The following CHODL variants were observed in gnomAD, a reference collection of about 807,000 sequenced individuals.
The protein encoded by CHODL is transmembrane protein MT75.
CHODL carries 29 observed loss-of-function variants against 34.5 expected under a neutral mutation model. The ratio of observed to expected loss-of-function variants is 0.84; its 90% CI spans 0.63 to 1.15. CHODL has a LOEUF of 1.15. Ranked by LOEUF, CHODL falls within the 50% of genes most tolerant of loss-of-function variation. The probability of loss-of-function intolerance (pLI) is 0.00; values close to 1 mark genes in which losing one functional copy is unlikely to be tolerated. For synonymous variants in CHODL, 125 were observed against 116.1 expected (o/e 1.08, Z -0.49); for missense variants, 332 against 332.5 (o/e 1.00, Z 0.01).
chr21:18,070,910 A>G (rs1241584634), intron 2 of CHODL, among the ~76,000 whole-genome samples: 1 of 151,698 alleles, frequency 6.6e-6, no homozygotes, highest in African/African-American at 2.4e-5. Flanking sequence ...GTTTACTCCA[A>G]TTATGTTCTC....
At chr21:17,934,506 G>A (rs760092461) in intron 1 of CHODL, among the ~76,000 whole-genome samples, 1 of 151,822 alleles carries the variant, frequency 6.6e-6, no homozygotes, top group Non-Finnish European at 1.5e-5. Context: ...CTCAGTCAGG[G>A]TTCTTTCTTC....
chr21:17,953,995 C>T (rs963073233), intron 1 of CHODL, among the ~76,000 whole-genome samples: 4 of 151,704 alleles, frequency 2.6e-5, no homozygotes, highest in South Asian at 2.1e-4. Flanking sequence ...GGCGACAGAG[C>T]GAGACTCTGT....
chr21:18,141,582 A>T (rs1181259791), intron 2 of CHODL, among the ~76,000 whole-genome samples: 1 of 152,074 alleles, frequency 6.6e-6, no homozygotes, highest in Non-Finnish European at 1.5e-5. Context: ...ATTGGAGTTG[A>T]CAGCATGCTA....
At chr21:18,125,689 G>A (rs555776982) in intron 2 of CHODL, among the ~76,000 whole-genome samples, 163 of 152,042 alleles carry the variant, frequency 1.1e-3, no homozygotes, top group African/African-American at 3.6e-3. Flanking sequence ...TCCGCCTCAC[G>A]GGTTCATGCG....
At chr21:18,115,227 G>A (rs73312418) in intron 2 of CHODL, among the ~76,000 whole-genome samples, 22 of 152,270 alleles carry the variant, frequency 1.4e-4, no homozygotes, top group African/African-American at 5.3e-4. Flanking sequence ...CCTATGTGCC[G>A]GAATCCTGGA....
intron 2 of CHODL, among the ~76,000 whole-genome samples, chr21:18,134,875 A>G (rs567470742): frequency 6.6e-6 from 1 of 152,340 alleles, no homozygotes; most frequent in African/African-American, 2.4e-5. Context: ...AGAGAGAGCT[A>G]TGTTAGTCTT....
Position 18,088,977 on chromosome 21 carries a change from G to A in CHODL, c.-45+61006G>A, listed in dbSNP as rs1010962583. Among the ~76,000 whole-genome samples, 4 of 152,086 alleles carry A rather than the reference G, an allele frequency of 2.6e-5. No homozygotes were observed. The South Asian group carries it at 8.3e-4, about 32-fold the overall frequency. ...AATGGGTTAATTTATATTAGAGGAG[G>A]CTGCACCTGCTCATCCCATCTCATG... is the stretch of plus-strand genomic sequence containing the variant. On this transcript the variant is annotated intron_variant, in intron 2 of 6. Transcript: ENST00000400127.
chr21:18,090,726 GAAA>G (rs5842674), intron 2 of CHODL, among the ~76,000 whole-genome samples: 4 of 125,172 alleles, frequency 3.2e-5, no homozygotes, highest in East Asian at 3.7e-4. Flanking sequence ...ATAATTTCCA[GAAA>G]AAAAAAAAAA....
rs555111358 is a variant in CHODL, at chr21:18,096,382, G to A, written c.-45+68411G>A. ...ATAACCATGAGGTCTGACTGCCTGC[G>A]GGGCCGGGCAGAACAGAGTCATATT... On this transcript the variant is annotated intron_variant, in intron 2 of 6. Coordinates refer to the CHODL transcript ENST00000400127. 1.6e-4 allele frequency among the ~76,000 whole-genome samples: 24 copies of A among 152,300 alleles called. No homozygotes were observed. The South Asian group carries it at 3.1e-3, about 20-fold the overall frequency.
intron 2 of CHODL, among the ~76,000 whole-genome samples, chr21:18,064,553 G>A (rs1042799256): frequency 6.6e-6 from 1 of 152,134 alleles, no homozygotes; most frequent in Non-Finnish European, 1.5e-5. Context: ...CTTTGTACTT[G>A]AACTGAAATA....
intron 2 of CHODL, among the ~76,000 whole-genome samples, chr21:18,213,935 C>G (rs1457091086): frequency 1.3e-5 from 2 of 151,910 alleles, no homozygotes; most frequent in African/African-American, 4.8e-5. Context: ...AGGGAAAGAC[C>G]CTTAATAACT....
chr21:18,248,219 C>T (rs2074167656), intron 1 of CHODL, among the ~76,000 whole-genome samples: 1 of 151,462 alleles, frequency 6.6e-6, no homozygotes, highest in African/African-American at 2.4e-5. Flanking sequence ...CTGTGGATAC[C>T]ATAGAATATT....
At chr21:18,223,943 A>G (rs2073907775) in intron 2 of CHODL, among the ~76,000 whole-genome samples, 1 of 152,238 alleles carries the variant, frequency 6.6e-6, no homozygotes, top group Admixed American at 6.5e-5. Context: ...CCAAGAGCCC[A>G]GTGTTAGCGA....
At chr21:18,003,743 T>C (rs1488405329) in intron 1 of CHODL, among the ~76,000 whole-genome samples, 1 of 152,206 alleles carries the variant, frequency 6.6e-6, no homozygotes, top group Non-Finnish European at 1.5e-5. Context: ...AAAGTCCTAC[T>C]GAGGACTGAG....
chr21:18,193,323 A>G (rs535255747), intron 2 of CHODL, among the ~76,000 whole-genome samples: 7 of 152,256 alleles, frequency 4.6e-5, no homozygotes, highest in African/African-American at 1.4e-4. Context: ...CCAGTGTACA[A>G]ATTTGAGAAA....
At chr21:18,220,660 A>C (rs1352025295) in intron 2 of CHODL, among the ~76,000 whole-genome samples, 6 of 151,870 alleles carry the variant, frequency 4.0e-5, no homozygotes, top group Admixed American at 3.9e-4. Context: ...ATTTTTGAAT[A>C]ATAGCTTTGA....
chr21:17,974,232 A>G (rs2063642980), intron 1 of CHODL, among the ~76,000 whole-genome samples: 1 of 152,172 alleles, frequency 6.6e-6, no homozygotes, highest in African/African-American at 2.4e-5. Context: ...AGTTTGTTGG[A>G]TATTAAATGC....
chr21:17,964,443 G>C (rs192965689), intron 1 of CHODL, among the ~76,000 whole-genome samples: 1 of 152,210 alleles, frequency 6.6e-6, no homozygotes, highest in African/African-American at 2.4e-5. Context: ...TAATAGAGAA[G>C]CCAATTTAAT....
Position 18,256,554 on chromosome 21 carries a change from T to C in CHODL, c.125T>C (p.Met42Thr), listed in dbSNP as rs749211836. The change falls in exon 2 of 6, where the codon ATG (methionine) becomes ACG (threonine). Residue 42 changes from methionine to threonine, a missense_variant. Physicochemically the swap from Met to Thr is moderately conservative, Grantham distance 81. Transcript: ENST00000299295. ...FADFKHPCYK[M>T]AYFHELSSRV... is the part of the protein sequence containing the mutation. ...GACTTCAAGCATCCCTGCTACAAAA[T>C]GGCCTACTTCCATGAACTGTCCAGC... 14 of 1,613,394 alleles carry C rather than the reference T, an allele frequency of 8.7e-6. No homozygotes were observed. The highest frequency in any genetic ancestry group is 1.0e-5 in the Non-Finnish European group (12 of 1,179,732).
Sources: allele counts gnomAD v4.1 joint callset (sites outside exome capture counted in the v4.1 genomes callset), GRCh38; gene constraint gnomAD v4.1.1; transcripts MANE v1.5; gene names NCBI Gene and HGNC (gene_info 2026-07-23, HGNC 2026-07-21).